SINHCAF: variants seen among roughly 807,000 people sequenced by gnomAD.
SINHCAF encodes the protein SIN3-HDAC complex-associated factor.
Under a neutral mutation model 25.8 loss-of-function variants are expected in SINHCAF, and 3 were observed. The ratio of observed to expected loss-of-function variants is 0.12; its 90% CI spans 0.05 to 0.30. The LOEUF (loss-of-function observed/expected upper bound fraction) is 0.30, where lower values mean the gene tolerates loss of function less well. SINHCAF is among the 10% of genes least tolerant of loss of function. The pLI is 1.00. For synonymous variants in SINHCAF, 70 were observed against 85.5 expected, an observed-to-expected ratio of 0.82 and a Z score of 1.00; for missense variants, 121 against 262.3, an observed-to-expected ratio of 0.46 and a Z score of 3.72.
chr12:31,292,182 T>G (rs538400261), intron 4 of SINHCAF, among the ~76,000 whole-genome samples: 1 of 152,060 alleles, frequency 6.6e-6, no homozygotes, highest in Admixed American at 6.6e-5. Flanking sequence ...AAAAGAAAAT[T>G]AATGTTTCCC....
intron 5 of SINHCAF, among the ~76,000 whole-genome samples, chr12:31,284,432 T>C (rs77912915): frequency 0.011 from 1,745 of 152,320 alleles, 17 homozygotes; most frequent in East Asian, 0.037. Context: ...CTTTGTCAGA[T>C]ATATGTGCTG....
chr12:31,289,986 G>A (rs1007129609), intron 4 of SINHCAF, among the ~76,000 whole-genome samples: 7 of 151,458 alleles, frequency 4.6e-5, no homozygotes, highest in African/African-American at 1.7e-4. Context: ...CACCACACTC[G>A]GCTGGTTATT....
intron 4 of SINHCAF, 35 bp from the exon 5 acceptor site, chr12:31,287,819 C>A: frequency 6.6e-7 from 1 of 1,518,580 alleles, no homozygotes; most frequent in Non-Finnish European, 9.0e-7. Flanking sequence ...ATAAAATTTT[C>A]AATTTCATTA....
intron 2 of SINHCAF, among the ~76,000 whole-genome samples, 195 bp downstream of exon 2, chr12:31,297,882 C>T (rs565338389): frequency 5.9e-5 from 9 of 152,220 alleles, no homozygotes; most frequent in South Asian, 4.2e-4. Flanking sequence ...AATGTGGTAG[C>T]TCCTCATAAT....
At chr12:31,318,667 G>A (rs117204299) in intron 1 of SINHCAF, among the ~76,000 whole-genome samples, 1,729 of 147,856 alleles carry the variant, frequency 0.012, 18 homozygotes, top group East Asian at 0.038. Context: ...AAAAAAAAGA[G>A]AAACAAAACT....
chr12:31,300,968 G>C (rs980594874), intron 1 of SINHCAF, among the ~76,000 whole-genome samples: 6 of 152,032 alleles, frequency 3.9e-5, no homozygotes, highest in Admixed American at 3.9e-4. Flanking sequence ...ATCCTATTAC[G>C]ACAGACAGAT....
intron 1 of SINHCAF, among the ~76,000 whole-genome samples, chr12:31,318,798 T>A (rs1234243333): frequency 6.6e-6 from 1 of 152,210 alleles, no homozygotes; most frequent in East Asian, 1.9e-4. Flanking sequence ...TAACCATACT[T>A]GGGTCTGCAA....
At chr12:31,285,454 C>CACACACACAT (rs1555110962) in intron 5 of SINHCAF, among the ~76,000 whole-genome samples, 1 of 151,040 alleles carries the variant, frequency 6.6e-6, no homozygotes, top group African/African-American at 2.4e-5. Context: ...CACACACACA[C>CACACACACAT]ATAAATAAAT....
intron 5 of SINHCAF, among the ~76,000 whole-genome samples, chr12:31,286,748 A>T (rs1487715836): frequency 6.6e-6 from 1 of 152,120 alleles, no homozygotes; most frequent in Non-Finnish European, 1.5e-5. Flanking sequence ...ACATACCTAG[A>T]ATAACCCTAG....
intron 1 of SINHCAF, among the ~76,000 whole-genome samples, chr12:31,309,127 CAAAAAAAAAAAAA>C (rs757095598): frequency 1.3e-5 from 1 of 75,420 alleles, no homozygotes; most frequent in East Asian, 3.7e-4. Context: ...GATTCTGTCT[CAAAAAAAAAAAAA>C]AAAAAAAAAA....
intron 1 of SINHCAF, among the ~76,000 whole-genome samples, chr12:31,322,445 T>G (rs1438705494): frequency 1.3e-5 from 2 of 152,198 alleles, no homozygotes; most frequent in African/African-American, 4.8e-5. Context: ...AAATCCAAAG[T>G]TTTTCATTTT....
chr12:31,298,116 T>A lies in SINHCAF; in HGVS notation c.89A>T (p.Asp30Val). 2 of 1,614,120 alleles carry A rather than the reference T, an allele frequency of 1.2e-6. No homozygotes were observed. The highest frequency in any genetic ancestry group is 1.7e-6 in the Non-Finnish European group (2 of 1,179,994). ...GAAGTCCTTTTCATAGCGTTTACTG[T>A]CAGTGAATCGAGAACTGGAGGACTT... ...RAKSSSSRFT[D>V]SKRYEKDFQS... The change falls in exon 2 of 6, where the codon GAC becomes GTC. Residue 30 changes from aspartate to valine, a missense_variant. By Grantham distance (152) the Asp-to-Val change is radical. Coordinates refer to ENST00000337682, the MANE Select transcript of SINHCAF (RefSeq NM_001135812.2).
chr12:31,282,778 T>C lies in SINHCAF; in HGVS notation c.600A>G (p.Lys200=). Residue 200 remains lysine, a synonymous_variant, in exon 6 of 6, where the codon AAA becomes AAG. Transcript: ENST00000337682. ...HLFKPCCSNK[K]AAAEKPEEQG... Reference sequence around the variant, plus strand: ...GCTCCTCTGGCTTCTCAGCAGCTGCTTTCTTATTGCTGCAGCAAGGCTTGA... The same window carrying C: ...GCTCCTCTGGCTTCTCAGCAGCTGCCTTCTTATTGCTGCAGCAAGGCTTGA... The C allele has an allele frequency of 1.2e-6, 2 of 1,613,366 alleles. No homozygotes were observed. The highest frequency in any genetic ancestry group is 1.7e-6 in the Non-Finnish European group (2 of 1,179,570).
At position 31,325,332 on chromosome 12, in the gene SINHCAF, G is replaced by A. The variant is rs1439058266; in HGVS notation, c.-21+692C>T. On this transcript the variant is annotated intron_variant, in intron 1 of 5. Transcript: ENST00000337682. The surrounding 1 kb of genome is among the most constrained non-coding windows in gnomAD (Gnocchi z 5.9). Reference sequence around the variant, plus strand: ...AGACGGGCTGTTTTTAAGCGACCGCGTGTTGCTCTCATTGTCGCATCCGCA... The same window carrying A: ...AGACGGGCTGTTTTTAAGCGACCGCATGTTGCTCTCATTGTCGCATCCGCA... 3 of 426,388 alleles carry A rather than the reference G, an allele frequency of 7.0e-6. No individual in the cohort carries two copies. Among genetic ancestry groups the A allele is most frequent in the South Asian group, 4.9e-5 (3 of 60,720 alleles). 26.4% of individuals were successfully genotyped at this position (426,388 alleles called of 1,614,324 possible). A position where few individuals can be genotyped will look rare whatever the true frequency, so the allele number is the denominator to read the frequency against.
At position 31,324,169 on chromosome 12, in the gene SINHCAF, C is replaced by T; in HGVS notation, c.-21+1855G>A. 2.6e-5 allele frequency: 7 copies of T among 270,350 alleles called. No homozygotes were observed. The highest frequency in any genetic ancestry group is 2.3e-4 in the South Asian group (7 of 31,100). The allele number at this position is 270,350 out of a possible 1,614,324, so 16.7% of individuals were successfully genotyped here. On this transcript the variant is annotated intron_variant, in intron 1 of 5. Transcript: ENST00000337682. The surrounding 1 kb of genome is among the most constrained non-coding windows in gnomAD (Gnocchi z 5.5). ...TCACCTGCGCCGGAACAACGGGCCC[C>T]GCGCCAGCCCGGCCCGGCGCCTCCC...
At position 31,281,708 on chromosome 12, in the gene SINHCAF, G is replaced by C. The variant is rs916112404; in HGVS notation, c.*1004C>G. 1.3e-5 allele frequency: 2 copies of C among 152,240 alleles called. No individual in the cohort carries two copies. Among genetic ancestry groups the C allele is most frequent in the Non-Finnish European group, 2.9e-5 (2 of 68,020 alleles). The allele number at this position is 152,240 out of a possible 1,614,324, so 9.4% of individuals were successfully genotyped here. A position where few individuals can be genotyped will look rare whatever the true frequency, so the allele number is the denominator to read the frequency against. On this transcript the variant is annotated 3_prime_UTR_variant, in exon 6 of 6. Coordinates refer to ENST00000337682, the MANE Select transcript of SINHCAF (RefSeq NM_001135812.2). ...TTCTCTACCATGCGGTAATGCTTTG[G>C]TACTATTCATACAGGGTCTTGCCTA...
At chr12:31,309,303 G>A (rs1003312545) in intron 1 of SINHCAF, among the ~76,000 whole-genome samples, 1 of 152,088 alleles carries the variant, frequency 6.6e-6, no homozygotes. Context: ...AGGAAAATGG[G>A]GGTGTTGCAG....
intron 4 of SINHCAF, 108 bp downstream of exon 4, chr12:31,293,697 T>C (rs1938430441): frequency 9.1e-6 from 9 of 990,086 alleles, no homozygotes; most frequent in Non-Finnish European, 1.3e-5. Context: ...TCCAGTGCTC[T>C]TTATAAAAAG....
In SINHCAF at chr12:31,295,223, G is replaced by C; in HGVS notation, c.228+11C>G. 1 of 1,553,554 alleles carries C rather than the reference G, an allele frequency of 6.4e-7. No homozygotes were observed. The highest frequency in any genetic ancestry group is 1.8e-4 in the Middle Eastern group (1 of 5,478). On this transcript the variant is annotated intron_variant, in intron 3 of 5. Coordinates refer to ENST00000337682, the MANE Select transcript of SINHCAF (RefSeq NM_001135812.2). ...AGAGGTATAATTGAGAAAAAAGAAA[G>C]ATGGACTAACATGATTCCAGTTTTT...
Sources: allele counts gnomAD v4.1 joint callset (sites outside exome capture counted in the v4.1 genomes callset), GRCh38; gene constraint gnomAD v4.1.1; non-coding constraint Gnocchi (gnomAD v3.1); transcripts MANE v1.5; gene names NCBI Gene and HGNC (gene_info 2026-07-23, HGNC 2026-07-21).